PRKAR2A: variants seen among roughly 807,000 people sequenced by gnomAD.
The protein encoded by PRKAR2A is cAMP-dependent protein kinase type II-alpha regulatory subunit.
In PRKAR2A, 29 loss-of-function variants were observed where a neutral mutation model predicts 51.9. That is an observed-to-expected ratio of 0.56 (90% CI 0.42 to 0.76). The LOEUF (loss-of-function observed/expected upper bound fraction) is 0.76, where lower values mean the gene tolerates loss of function less well. Among genes scored for constraint, PRKAR2A ranks in the 30% least tolerant of loss-of-function variants. PRKAR2A has a pLI of 0.00. For missense variants in PRKAR2A, 445 were observed against 512.1 expected, an observed-to-expected ratio of 0.87 and a Z score of 1.26; for synonymous variants, 178 against 186.2, an observed-to-expected ratio of 0.96 and a Z score of 0.36.
chr3:48,795,915 G>T (rs7647813), intron 2 of PRKAR2A, among the ~76,000 whole-genome samples: 99,105 of 151,650 alleles, frequency 0.65, 33,122 homozygotes, highest in East Asian at 0.96. Flanking sequence ...GGTGAGAAGG[G>T]GGATACAAAT....
In PRKAR2A at chr3:48,807,669, C is replaced by G. The variant is rs1231100218; in HGVS notation, c.278G>C (p.Arg93Thr). The G allele has an allele frequency of 9.4e-6, 15 of 1,603,778 alleles. No individual in the cohort carries two copies. The highest frequency in any genetic ancestry group is 1.2e-5 in the Non-Finnish European group (14 of 1,171,356). Residue 93 changes from arginine (R) to threonine (T), a missense_variant, in exon 2 of 11, where the codon AGA (arginine) becomes ACA (threonine). Physicochemically the swap from Arg to Thr is moderately conservative, Grantham distance 71 (BLOSUM62 -1). Coordinates refer to ENST00000265563, the MANE Select transcript of PRKAR2A (RefSeq NM_004157.4). Reference protein sequence around the residue: ...DEDLEVPVPSRFNRRVSVCAE... With the variant: ...DEDLEVPVPSTFNRRVSVCAE... The stretch of plus-strand genomic sequence containing the variant: ...CATACCTGATACTCGTCTATTAAAT[C>G]TGCTAGGAACTGGAACTGCAAAATA...
intron 5 of PRKAR2A, among the ~76,000 whole-genome samples, chr3:48,777,202 G>A (rs929532384): frequency 6.6e-6 from 1 of 152,102 alleles, no homozygotes; most frequent in Non-Finnish European, 1.5e-5. Flanking sequence ...ATCTGCCTGG[G>A]AGCCTGCCCT....
intron 1 of PRKAR2A, among the ~76,000 whole-genome samples, chr3:48,839,937 T>C (rs541126587): frequency 1.3e-5 from 2 of 152,314 alleles, no homozygotes; most frequent in Non-Finnish European, 1.5e-5. Context: ...AGTACATACA[T>C]TGTGCAACCA....
chr3:48,745,280 C>T (rs1481187609), downstream of PRKAR2A, among the ~76,000 whole-genome samples: 2 of 151,690 alleles, frequency 1.3e-5, no homozygotes, highest in Non-Finnish European at 2.9e-5. Context: ...AATGATCCTC[C>T]TGCCTTAGCC....
chr3:48,784,265 C>A (rs1348900451), intron 4 of PRKAR2A, among the ~76,000 whole-genome samples: 1 of 152,048 alleles, frequency 6.6e-6, no homozygotes, highest in Non-Finnish European at 1.5e-5. Flanking sequence ...AGACTGAAGA[C>A]CTGAAAAGAG....
intron 1 of PRKAR2A, among the ~76,000 whole-genome samples, chr3:48,818,505 T>C (rs990879578): frequency 2.0e-5 from 3 of 152,132 alleles, no homozygotes; most frequent in Non-Finnish European, 2.9e-5. Flanking sequence ...CCCATAATCT[T>C]TGGGAGGCCA....
chr3:48,759,856 A>G (rs1432892126), intron 8 of PRKAR2A, among the ~76,000 whole-genome samples: 1 of 152,208 alleles, frequency 6.6e-6, no homozygotes, highest in Non-Finnish European at 1.5e-5. Context: ...ATAATATAAG[A>G]TCCACATTCC....
intron 10 of PRKAR2A, 113 bp from the exon 11 acceptor site, chr3:48,751,831 AGCCACTTGC>A: frequency 9.6e-6 from 12 of 1,246,178 alleles, no homozygotes; most frequent in Admixed American, 7.9e-5. Flanking sequence ...TTGGGACACC[AGCCACTTGC>A]AAAAAGGGAT....
At chr3:48,761,934 A>G (rs1285893547) in intron 8 of PRKAR2A, among the ~76,000 whole-genome samples, 1 of 152,176 alleles carries the variant, frequency 6.6e-6, no homozygotes, top group Non-Finnish European at 1.5e-5. Context: ...AAAATTTTTA[A>G]AATTACATAT....
At chr3:48,842,837 T>C (rs554215604) in intron 1 of PRKAR2A, among the ~76,000 whole-genome samples, 7 of 152,240 alleles carry the variant, frequency 4.6e-5, no homozygotes, top group Non-Finnish European at 1.0e-4. Flanking sequence ...TGAGGATTTC[T>C]GCATCAATGT....
chr3:48,826,682 C>A (rs926387835), intron 1 of PRKAR2A, among the ~76,000 whole-genome samples: 2 of 152,126 alleles, frequency 1.3e-5, no homozygotes, highest in Admixed American at 1.3e-4. Flanking sequence ...CATCCTGAAT[C>A]ATCTCATTAA....
At position 48,790,573 on chromosome 3, in the gene PRKAR2A, C is replaced by G. The variant is rs755192539; in HGVS notation, c.406G>C (p.Asp136His). 12 of 1,546,334 alleles carry G rather than the reference C, an allele frequency of 7.8e-6. No homozygotes were observed. The highest frequency in any genetic ancestry group is 1.4e-5 in the African/African-American group (1 of 71,856). ...TCAAGATTTTTGAAAAGGAGAATATCTTTGCAAGCTTCCTGAAGTCTGCAT... is the reference window on the plus strand; with the variant it reads ...TCAAGATTTTTGAAAAGGAGAATATGTTTGCAAGCTTCCTGAAGTCTGCAT... ...QRCRLQEACK[D>H]ILLFKNLDQE... Residue 136 changes from aspartate (D) to histidine (H), a missense_variant, in exon 4 of 11, where the codon GAT becomes CAT. Asp to His is a moderately conservative substitution (Grantham distance 81). Transcript: ENST00000265563.
intron 4 of PRKAR2A, among the ~76,000 whole-genome samples, chr3:48,783,681 A>G (rs1157239475): frequency 1.3e-5 from 2 of 152,128 alleles, no homozygotes; most frequent in Non-Finnish European, 2.9e-5. Flanking sequence ...CCCGAGTTCA[A>G]GCGATTCTCC....
rs1333004031 is a variant in PRKAR2A at position 48,847,535 on chromosome 3, A to G, written c.62T>C (p.Val21Ala). 6.4e-7 allele frequency: 1 copy of G among 1,570,918 alleles called. No homozygotes were observed. Among genetic ancestry groups the G allele is most frequent in the Non-Finnish European group, 8.6e-7 (1 of 1,160,636 alleles). Residue 21 changes from valine (V) to alanine (A), a missense_variant, in exon 1 of 11, where the codon GTG becomes GCG. By Grantham distance (64) the Val-to-Ala change is moderately conservative. Transcript: ENST00000265563. The surrounding 1 kb of genome is among the most constrained non-coding windows in gnomAD (Gnocchi z 4.4). ...TELLQGYTVE[V>A]LRQQPPDLVE... The stretch of plus-strand genomic sequence containing the variant: ...GAGGTCAGGCGGCTGCTGTCGCAGC[A>G]CCTCCACCGTGTAGCCCTGCAGCAG...
intron 5 of PRKAR2A, among the ~76,000 whole-genome samples, chr3:48,776,484 T>A (rs1291731753): frequency 6.6e-6 from 1 of 152,062 alleles, no homozygotes; most frequent in Non-Finnish European, 1.5e-5. Context: ...AGTCATTAAA[T>A]ATAATGACAG....
At chr3:48,818,489 C>T (rs1035009401) in intron 1 of PRKAR2A, among the ~76,000 whole-genome samples, 2 of 152,196 alleles carry the variant, frequency 1.3e-5, no homozygotes, top group Admixed American at 1.3e-4. Flanking sequence ...GGTGCAGTGG[C>T]TCACACCCAT....
intron 6 of PRKAR2A, among the ~76,000 whole-genome samples, chr3:48,769,151 A>T (rs1387129052): frequency 2.9e-5 from 2 of 68,802 alleles, no homozygotes; most frequent in Non-Finnish European, 5.2e-5. Context: ...AACAACAAAT[A>T]TCTTTCTTTT....
At position 48,847,738 on chromosome 3, in the gene PRKAR2A, C is replaced by G. The variant is rs2083493756; in HGVS notation, c.-142G>C. On this transcript the variant is annotated 5_prime_UTR_variant, in exon 1 of 11. Coordinates refer to ENST00000265563, the MANE Select transcript of PRKAR2A (RefSeq NM_004157.4). The surrounding 1 kb of genome is among the most constrained non-coding windows in gnomAD (Gnocchi z 4.4). ...TCACGTCGCGCCGCTCTTTGGCCGGCTCTGCGTTTCCGGGCCGCGCAACCC... is the reference window on the plus strand; with the variant it reads ...TCACGTCGCGCCGCTCTTTGGCCGGGTCTGCGTTTCCGGGCCGCGCAACCC... 2.2e-6 allele frequency: 2 copies of G among 890,706 alleles called. No individual in the cohort carries two copies. Among genetic ancestry groups the G allele is most frequent in the Admixed American group, 8.3e-5 (2 of 24,016 alleles). 55.2% of individuals were successfully genotyped at this position (890,706 alleles called of 1,614,324 possible).
intron 1 of PRKAR2A, among the ~76,000 whole-genome samples, chr3:48,823,305 G>A (rs901939799): frequency 6.6e-6 from 1 of 151,970 alleles, no homozygotes; most frequent in African/African-American, 2.4e-5. Context: ...TGGGACTGGT[G>A]TCTAAAGGGG....
Sources: allele counts gnomAD v4.1 joint callset (sites outside exome capture counted in the v4.1 genomes callset), GRCh38; gene constraint gnomAD v4.1.1; non-coding constraint Gnocchi (gnomAD v3.1); transcripts MANE v1.5; gene names NCBI Gene and HGNC (gene_info 2026-07-23, HGNC 2026-07-21).